The following EBF1 variants were observed in gnomAD, a reference collection of about 807,000 sequenced individuals.
The protein encoded by EBF1 is transcription factor COE1.
A neutral mutation model predicts 68.4 loss-of-function variants in EBF1; 10 were observed. That is an observed-to-expected ratio of 0.15 (90% confidence interval 0.09 to 0.25). The LOEUF (loss-of-function observed/expected upper bound fraction) is 0.25. EBF1 is among the 10% of genes least tolerant of loss of function. The pLI, the probability that EBF1 is intolerant of heterozygous loss-of-function variation, is 1.00. For synonymous variants in EBF1, 298 were observed against 299.8 expected (o/e 0.99, Z 0.06); for missense variants, 509 against 794.4 (o/e 0.64, Z 4.32).
chr5:158,741,300 C>A (rs1766335094), intron 10 of EBF1, among the ~76,000 whole-genome samples: 1 of 152,140 alleles, frequency 6.6e-6, no homozygotes. Flanking sequence ...TAAGGCTGGG[C>A]ACAGTGGCTC....
chr5:158,721,614 G>A (rs1282407042), intron 11 of EBF1, among the ~76,000 whole-genome samples: 1 of 152,092 alleles, frequency 6.6e-6, no homozygotes, highest in East Asian at 1.9e-4. Flanking sequence ...ATTTTTATCT[G>A]GTGCCTCAAT....
intron 9 of EBF1, among the ~76,000 whole-genome samples, chr5:158,781,347 A>G (rs1776418177): frequency 6.6e-6 from 1 of 152,156 alleles, no homozygotes; most frequent in Non-Finnish European, 1.5e-5. Context: ...TTGTAGAAAT[A>G]TCACAAGTTT....
intron 6 of EBF1, among the ~76,000 whole-genome samples, chr5:159,004,915 G>C (rs1317610510): frequency 1.3e-5 from 2 of 152,132 alleles, no homozygotes; most frequent in Non-Finnish European, 2.9e-5. Context: ...TTCTCAAACA[G>C]TCATAGCAAC....
intron 6 of EBF1, among the ~76,000 whole-genome samples, chr5:159,057,076 T>C (rs908659349): frequency 5.9e-5 from 9 of 151,726 alleles, no homozygotes; most frequent in Non-Finnish European, 8.8e-5. Flanking sequence ...CCTGTGACTG[T>C]TATAATTTCT....
chr5:158,802,223 C>T (rs538089591), intron 8 of EBF1, among the ~76,000 whole-genome samples: 4 of 152,074 alleles, frequency 2.6e-5, no homozygotes, highest in East Asian at 3.9e-4. Context: ...CCAGGTTCAG[C>T]ATTTATCATA....
intron 5 of EBF1, among the ~76,000 whole-genome samples, chr5:159,078,858 CA>C (rs963651870): frequency 4.9e-4 from 75 of 152,296 alleles, no homozygotes; most frequent in African/African-American, 1.7e-3. Context: ...CAGCCTAACA[CA>C]GGTGGCGTAT....
intron 10 of EBF1, among the ~76,000 whole-genome samples, chr5:158,745,761 C>G (rs900998872): frequency 6.6e-6 from 1 of 152,144 alleles, no homozygotes; most frequent in Non-Finnish European, 1.5e-5. Flanking sequence ...GGAATATGGA[C>G]CACACTGTCC....
chr5:158,860,427 G>A (rs1268429862), intron 6 of EBF1, among the ~76,000 whole-genome samples: 1 of 152,128 alleles, frequency 6.6e-6, no homozygotes, highest in African/African-American at 2.4e-5. Flanking sequence ...TGTGAAGAAC[G>A]CCTACTCACC....
intron 6 of EBF1, among the ~76,000 whole-genome samples, chr5:158,913,514 G>A (rs1806463317): frequency 6.6e-6 from 1 of 152,178 alleles, no homozygotes; most frequent in Non-Finnish European, 1.5e-5. Flanking sequence ...AGAAATGGCT[G>A]TACCCCAAAA....
intron 6 of EBF1, among the ~76,000 whole-genome samples, chr5:158,947,998 A>G (rs1561596793): frequency 6.6e-6 from 1 of 152,248 alleles, no homozygotes. Flanking sequence ...GCATATACTG[A>G]AGAACTTGTA....
intron 7 of EBF1, among the ~76,000 whole-genome samples, chr5:158,835,047 A>G (rs1257974206): frequency 6.6e-6 from 1 of 152,250 alleles, no homozygotes; most frequent in Non-Finnish European, 1.5e-5. Flanking sequence ...CAACAGAGAC[A>G]TAAAAATATT....
At chr5:159,031,773 C>A (rs527595069) in intron 6 of EBF1, among the ~76,000 whole-genome samples, 1 of 152,158 alleles carries the variant, frequency 6.6e-6, no homozygotes. Context: ...GCTCTCGCTG[C>A]GCTGCTGGCA....
In EBF1 at chr5:158,851,708, G is replaced by A. The variant is rs551020052; in HGVS notation, c.555-11598C>T. On this transcript the variant is annotated intron_variant, in intron 6 of 15. Transcript: ENST00000313708. ...GAGGAGAAGTAAAGGGAAGGAAAGG[G>A]TAGAAGGGAAGGAAAGAAAGGAAGG... Among the ~76,000 whole-genome samples, 111 of 121,686 alleles carry A rather than the reference G, an allele frequency of 9.1e-4. 1 individual carries two copies. The highest frequency in any genetic ancestry group is 5.2e-3 in the South Asian group (15 of 2,880). The allele number at this position is 121,686 out of a possible 152,430, so 79.8% of individuals were successfully genotyped here.
At chr5:159,080,357 T>G (rs1272261128) in intron 5 of EBF1, among the ~76,000 whole-genome samples, 1 of 152,220 alleles carries the variant, frequency 6.6e-6, no homozygotes, top group Non-Finnish European at 1.5e-5. Flanking sequence ...TCTCGTTATC[T>G]GCCAACCAAT....
rs556098726 is a variant in EBF1 at position 158,797,007 on chromosome 5, AT to A, written c.779-533del. Reference sequence around the variant, plus strand: ...ACATGTCTCATTAAAAATCATTACGATTTTTTTTCAAATAAATGTCATAGAT... The same window carrying A: ...ACATGTCTCATTAAAAATCATTACGATTTTTTTCAAATAAATGTCATAGAT... On this transcript the variant is annotated intron_variant, in intron 8 of 15. Coordinates refer to ENST00000313708, the MANE Select transcript of EBF1 (RefSeq NM_024007.5). Among the ~76,000 whole-genome samples, 17 of 152,026 alleles carry A rather than the reference AT, an allele frequency of 1.1e-4. No homozygotes were observed. In the East Asian group the frequency reaches 2.5e-3, roughly 22 times the overall value.
intron 10 of EBF1, among the ~76,000 whole-genome samples, chr5:158,747,874 G>T (rs1365329533): frequency 6.6e-6 from 1 of 152,164 alleles, no homozygotes; most frequent in Non-Finnish European, 1.5e-5. Context: ...ACAGGAGAAA[G>T]ACCCTTAGGA....
intron 6 of EBF1, among the ~76,000 whole-genome samples, chr5:158,940,777 C>CCCCCCCCCCCCCCCCCT (rs1554083360): frequency 1.9e-5 from 1 of 51,556 alleles, no homozygotes; most frequent in African/African-American, 5.0e-5. Context: ...CCCCCCCCCC[C>CCCCCCCCCCCCCCCCCT]CCGCAGGTCA....
At chr5:158,824,803 T>C (rs1785684543) in intron 7 of EBF1, among the ~76,000 whole-genome samples, 1 of 152,198 alleles carries the variant, frequency 6.6e-6, no homozygotes, top group Non-Finnish European at 1.5e-5. Context: ...TTCCCATACT[T>C]AAAAGTTCCA....
chr5:159,073,865 C>A (rs1316606579), intron 5 of EBF1: 1 of 162,034 alleles, frequency 6.2e-6, no homozygotes. Context: ...TGGAACGCAT[C>A]AATAATGAGG....
Sources: allele counts gnomAD v4.1 joint callset (sites outside exome capture counted in the v4.1 genomes callset), GRCh38; gene constraint gnomAD v4.1.1; transcripts MANE v1.5; gene names NCBI Gene and HGNC (gene_info 2026-07-23, HGNC 2026-07-21).